The following ERCC6L2 variants were observed in gnomAD, a reference collection of about 807,000 sequenced individuals.
ERCC6L2 encodes the protein ERCC excision repair 6 like 2.
A neutral mutation model predicts 132.0 loss-of-function variants in ERCC6L2; 77 were observed. The observed-to-expected ratio is 0.58, with a 90% CI of 0.49 to 0.71. The LOEUF (loss-of-function observed/expected upper bound fraction) is 0.71, where lower values mean the gene tolerates loss of function less well. Among genes scored for constraint, ERCC6L2 ranks in the 30% least tolerant of loss-of-function variants. ERCC6L2 has a pLI of 0.00. For missense variants in ERCC6L2, 1,542 were observed against 1,837.6 expected, an observed-to-expected ratio of 0.84 and a Z score of 2.94; for synonymous variants, 583 against 632.4, an observed-to-expected ratio of 0.92 and a Z score of 1.17.
At chr9:95,877,633 C>T (rs1015735093) in intron 1 of ERCC6L2, among the ~76,000 whole-genome samples, 1 of 151,728 alleles carries the variant, frequency 6.6e-6, no homozygotes, top group African/African-American at 2.4e-5. Flanking sequence ...TAAGCGAGAC[C>T]CTGTCTCTAC....
chr9:96,009,007 T>C (rs1833945919), intron 18 of ERCC6L2, among the ~76,000 whole-genome samples: 1 of 152,216 alleles, frequency 6.6e-6, no homozygotes, highest in Non-Finnish European at 1.5e-5. Context: ...TGCACCATGG[T>C]GCTATTTTTA....
chr9:95,934,649 G>C (rs772870820), intron 11 of ERCC6L2, among the ~76,000 whole-genome samples: 2 of 152,020 alleles, frequency 1.3e-5, no homozygotes, highest in Non-Finnish European at 2.9e-5. Flanking sequence ...TCATACACTA[G>C]TTGACTACAA....
chr9:95,950,572 C>G (rs1266950639), intron 12 of ERCC6L2, among the ~76,000 whole-genome samples: 1 of 152,008 alleles, frequency 6.6e-6, no homozygotes, highest in Non-Finnish European at 1.5e-5. Flanking sequence ...AAAACAGTGT[C>G]CAAATATATG....
chr9:95,977,148 C>T (rs1453761153), intron 16 of ERCC6L2, among the ~76,000 whole-genome samples: 1 of 152,020 alleles, frequency 6.6e-6, no homozygotes, highest in Non-Finnish European at 1.5e-5. Context: ...ATAATGGTAA[C>T]GTGTCATCAA....
chr9:95,955,299 G>A (rs1267484839), intron 12 of ERCC6L2, among the ~76,000 whole-genome samples: 1 of 152,104 alleles, frequency 6.6e-6, no homozygotes, highest in Non-Finnish European at 1.5e-5. Flanking sequence ...ATTACTTTTT[G>A]CTAAGTTGTG....
intron 4 of ERCC6L2, among the ~76,000 whole-genome samples, chr9:95,914,535 G>A (rs1050189855): frequency 1.3e-5 from 2 of 152,018 alleles, no homozygotes; most frequent in Admixed American, 6.5e-5. Context: ...TGTATTTTTA[G>A]TAGAGACAAG....
intron 4 of ERCC6L2, 66 bp from the exon 5 acceptor site, chr9:95,915,602 C>G: frequency 6.8e-7 from 1 of 1,469,838 alleles, no homozygotes; most frequent in Non-Finnish European, 9.2e-7. Context: ...AAGCTACTGT[C>G]TAAAATTGTA....
chr9:96,020,375 T>G, downstream of ERCC6L2: 2 of 196,426 alleles, frequency 1.0e-5, no homozygotes, highest in Admixed American at 5.4e-5. Flanking sequence ...ATGGGAGGAG[T>G]TCTGAAATAC....
At chr9:95,950,606 G>A (rs565419894) in intron 12 of ERCC6L2, among the ~76,000 whole-genome samples, 2 of 152,138 alleles carry the variant, frequency 1.3e-5, no homozygotes, top group South Asian at 4.2e-4. Context: ...ACTCACTTTA[G>A]GTCCAAGAAT....
intron 11 of ERCC6L2, among the ~76,000 whole-genome samples, chr9:95,933,984 A>G (rs538119388): frequency 3.3e-5 from 5 of 151,422 alleles, no homozygotes; most frequent in African/African-American, 1.2e-4. Context: ...GTAGGAGAAA[A>G]GATTATCATT....
At chr9:95,985,274 G>GT (rs1233458800) in intron 17 of ERCC6L2, among the ~76,000 whole-genome samples, 1 of 152,144 alleles carries the variant, frequency 6.6e-6, no homozygotes, top group Non-Finnish European at 1.5e-5. Flanking sequence ...ATATACTCCT[G>GT]TAAACACTAC....
At chr9:96,029,778 T>G (rs1354870249) in intron 19 of ERCC6L2, among the ~76,000 whole-genome samples, 2 of 152,172 alleles carry the variant, frequency 1.3e-5, no homozygotes, top group African/African-American at 4.8e-5. Flanking sequence ...ATGGGTTTTT[T>G]GTTTGTTTGT....
intron 11 of ERCC6L2, among the ~76,000 whole-genome samples, chr9:95,935,895 G>A (rs1830532433): frequency 1.3e-5 from 2 of 152,066 alleles, no homozygotes; most frequent in Admixed American, 1.3e-4. Flanking sequence ...ACGATTTGGG[G>A]TACTATACTG....
intron 20 of ERCC6L2, among the ~76,000 whole-genome samples, chr9:96,040,056 T>TAAA (rs71368224): frequency 1.5e-3 from 214 of 147,418 alleles, no homozygotes; most frequent in Admixed American, 2.3e-3. Context: ...CATCTCTAAT[T>TAAA]AAAAAAAAAA....
chr9:95,930,602 C>T (rs776887743), intron 11 of ERCC6L2, among the ~76,000 whole-genome samples: 12 of 152,132 alleles, frequency 7.9e-5, no homozygotes, highest in Non-Finnish European at 1.3e-4. Flanking sequence ...ACTCTCTCCC[C>T]GTTTTTTTCT....
In ERCC6L2 at chr9:95,907,623, A is replaced by G. The variant is rs970920014; in HGVS notation, c.788+352A>G. On this transcript the variant is annotated intron_variant, in intron 4 of 18. Coordinates refer to ENST00000653738, the MANE Select transcript of ERCC6L2 (RefSeq NM_020207.7). The stretch of plus-strand genomic sequence containing the variant: ...TACTCTCTGAGAAGGAAAAACCTGC[A>G]TCAGGTTTTCTAGAACTTCTTATTC... 3.3e-5 allele frequency among the ~76,000 whole-genome samples: 5 copies of G among 152,236 alleles called. No individual in the cohort carries two copies. In the East Asian group the frequency reaches 9.6e-4, roughly 29 times the overall value.
intron 10 of ERCC6L2, among the ~76,000 whole-genome samples, chr9:95,928,506 T>C (rs1253448522): frequency 6.6e-6 from 1 of 152,200 alleles, no homozygotes; most frequent in Non-Finnish European, 1.5e-5. Context: ...GATTGATTTT[T>C]AAAACAAGTT....
intron 1 of ERCC6L2, among the ~76,000 whole-genome samples, chr9:95,879,093 A>G (rs1587830859): frequency 6.6e-6 from 1 of 151,716 alleles, no homozygotes; most frequent in African/African-American, 2.4e-5. Flanking sequence ...GACTTCCACA[A>G]TGGTTGAACT....
chr9:95,958,594 C>A (rs529059180), intron 13 of ERCC6L2, among the ~76,000 whole-genome samples: 1 of 152,236 alleles, frequency 6.6e-6, no homozygotes, highest in African/African-American at 2.4e-5. Context: ...ATTTGCATTT[C>A]TCTGATGGCC....
Sources: allele counts gnomAD v4.1 joint callset (sites outside exome capture counted in the v4.1 genomes callset), GRCh38; gene constraint gnomAD v4.1.1; transcripts MANE v1.5; gene names NCBI Gene and HGNC (gene_info 2026-07-23, HGNC 2026-07-21).